Variants in MATCAP2 observed in about 807,000 individuals in gnomAD.
The protein encoded by MATCAP2 is putative tyrosine carboxypeptidase MATCAP2.
chr7:36,366,813 C>A, the MATCAP2 span: 5 of 1,523,398 alleles, frequency 3.3e-6, no homozygotes, highest in African/African-American at 1.4e-5. Flanking sequence ...GGTGGAGTCC[C>A]GAGCGGCGCG....
chr7:36,369,008 C>T, the MATCAP2 span, among the ~76,000 whole-genome samples: 1 of 152,006 alleles, frequency 6.6e-6, no homozygotes, highest in Non-Finnish European at 1.5e-5. Context: ...TTACTTAGCA[C>T]TTAACATTAT....
chr7:36,331,584 CTG>C, the MATCAP2 span, among the ~76,000 whole-genome samples: 6 of 152,132 alleles, frequency 3.9e-5, no homozygotes, highest in African/African-American at 1.4e-4. Flanking sequence ...CAAAAACAAA[CTG>C]TGGTTTTAAA....
chr7:36,344,402 T>C, the MATCAP2 span, among the ~76,000 whole-genome samples: 1 of 152,232 alleles, frequency 6.6e-6, no homozygotes, highest in Non-Finnish European at 1.5e-5. Flanking sequence ...GAAAGTACAT[T>C]GACCACAATT....
the MATCAP2 span, among the ~76,000 whole-genome samples, chr7:36,365,933 C>T: frequency 0.49 from 74,290 of 152,094 alleles, 18,468 homozygotes; most frequent in Non-Finnish European, 0.52. Flanking sequence ...ATCGTGGCAA[C>T]GTCATGATTT....
chr7:36,376,480 T>C, the MATCAP2 span, among the ~76,000 whole-genome samples: 1 of 152,256 alleles, frequency 6.6e-6, no homozygotes, highest in African/African-American at 2.4e-5. Context: ...TTCCGTTCTT[T>C]TACATTTGCT....
chr7:36,370,094 A>C, the MATCAP2 span, among the ~76,000 whole-genome samples: 3 of 152,372 alleles, frequency 2.0e-5, no homozygotes, highest in South Asian at 6.2e-4. Flanking sequence ...GAATACAAAG[A>C]GTTTATCTAA....
the MATCAP2 span, among the ~76,000 whole-genome samples, chr7:36,354,826 T>C: frequency 6.6e-6 from 1 of 152,232 alleles, no homozygotes; most frequent in South Asian, 2.1e-4. Context: ...GCAATTCAAG[T>C]GTAGGATTAA....
chr7:36,375,632 T>G, the MATCAP2 span, among the ~76,000 whole-genome samples: 4 of 152,236 alleles, frequency 2.6e-5, no homozygotes, highest in Admixed American at 2.6e-4. Context: ...TCCCTCTTTT[T>G]CTATTGATTG....
chr7:36,367,252 T>A, the MATCAP2 span: 1 of 1,069,152 alleles, frequency 9.4e-7, no homozygotes, highest in Non-Finnish European at 1.1e-6. Context: ...GCCCCCGGGG[T>A]CCGCGCGCGC....
chr7:36,345,344 A>G, the MATCAP2 span, among the ~76,000 whole-genome samples: 2 of 152,356 alleles, frequency 1.3e-5, no homozygotes, highest in East Asian at 3.9e-4. Context: ...TTTCTTCACC[A>G]GAAGCATACA....
At chr7:36,371,139 T>A in the MATCAP2 span, among the ~76,000 whole-genome samples, 1 of 152,192 alleles carries the variant, frequency 6.6e-6, no homozygotes, top group Non-Finnish European at 1.5e-5. Context: ...AGGGTCTCAC[T>A]CTGTTGCCCA....
chr7:36,357,200 G>C, the MATCAP2 span: 12 of 1,614,056 alleles, frequency 7.4e-6, no homozygotes, highest in Non-Finnish European at 9.3e-6. Context: ...CCCTGTAACA[G>C]AGATATCATG....
the MATCAP2 span, chr7:36,357,305 AG>A: frequency 6.2e-7 from 1 of 1,614,190 alleles, no homozygotes; most frequent in Admixed American, 1.7e-5. Flanking sequence ...CACAGGCACC[AG>A]GGCTTTCATC....
At chr7:36,332,585 CCA>C in the MATCAP2 span, among the ~76,000 whole-genome samples, 2 of 152,168 alleles carry the variant, frequency 1.3e-5, no homozygotes, top group Non-Finnish European at 2.9e-5. Context: ...AGCAACATAA[CCA>C]TCACTAATTT....
the MATCAP2 span, among the ~76,000 whole-genome samples, chr7:36,388,814 T>TA: frequency 6.6e-6 from 1 of 152,186 alleles, no homozygotes; most frequent in Non-Finnish European, 1.5e-5. Context: ...TTGAACTAGA[T>TA]AGAGGGCTTG....
At chr7:36,388,173 T>A in the MATCAP2 span, among the ~76,000 whole-genome samples, 1 of 152,176 alleles carries the variant, frequency 6.6e-6, no homozygotes, top group Admixed American at 6.5e-5. Context: ...AATCAGAAGT[T>A]CTTGTCCTGG....
At chr7:36,338,885 C>G in the MATCAP2 span, among the ~76,000 whole-genome samples, 1 of 152,248 alleles carries the variant, frequency 6.6e-6, no homozygotes, top group Non-Finnish European at 1.5e-5. Flanking sequence ...TAACTTAACT[C>G]TTTCAATCAA....
At chr7:36,357,290 C>G in the MATCAP2 span, 2 of 1,614,184 alleles carry the variant, frequency 1.2e-6, no homozygotes, top group South Asian at 2.2e-5. Context: ...AGTACCACTG[C>G]TTGTCACAGG....
the MATCAP2 span, among the ~76,000 whole-genome samples, chr7:36,371,899 G>A: frequency 6.6e-6 from 1 of 151,894 alleles, no homozygotes; most frequent in African/African-American, 2.4e-5. Flanking sequence ...ACTTTTTATA[G>A]AAATGGGGTC....
Sources: allele counts gnomAD v4.1 joint callset (sites outside exome capture counted in the v4.1 genomes callset), GRCh38; gene constraint gnomAD v4.1.1; transcripts MANE v1.5; gene names NCBI Gene and HGNC (gene_info 2026-07-23, HGNC 2026-07-21).